EVA1A: variants seen among roughly 807,000 people sequenced by gnomAD.
EVA1A encodes the protein eva-1 homolog A, regulator of programmed cell death.
Under a neutral mutation model 9.8 loss-of-function variants are expected in EVA1A, and 7 were observed. The observed-to-expected ratio is 0.71, with a 90% CI of 0.41 to 1.34. The LOEUF (loss-of-function observed/expected upper bound fraction) is 1.34. Among genes scored for constraint, EVA1A ranks in the 40% most tolerant of loss-of-function variants. The pLI, the probability that EVA1A is intolerant of heterozygous loss-of-function variation, is 0.01. For synonymous variants in EVA1A, 90 were observed against 85.6 expected, an observed-to-expected ratio of 1.05 and a Z score of -0.28; for missense variants, 206 against 205.9, an observed-to-expected ratio of 1.00 and a Z score of 0.00.
At chr2:75,537,091 T>A (rs536040271) in intron 1 of EVA1A, among the ~76,000 whole-genome samples, 1 of 152,184 alleles carries the variant, frequency 6.6e-6, no homozygotes, top group South Asian at 2.1e-4. Flanking sequence ...CAGGAACGTA[T>A]AAAAAGGATT....
chr2:75,512,665 A>G (rs1267182423), intron 3 of EVA1A, among the ~76,000 whole-genome samples: 1 of 152,166 alleles, frequency 6.6e-6, no homozygotes, highest in Non-Finnish European at 1.5e-5. Flanking sequence ...GGATGCCTCA[A>G]ACCATCATCA....
At chr2:75,549,466 T>G (rs1028157466) in intron 1 of EVA1A, among the ~76,000 whole-genome samples, 1 of 152,126 alleles carries the variant, frequency 6.6e-6, no homozygotes, top group Non-Finnish European at 1.5e-5. Flanking sequence ...GAGTGCCCTG[T>G]CTGTCCATCA....
At chr2:75,553,313 A>G (rs1676589775) in intron 1 of EVA1A, among the ~76,000 whole-genome samples, 1 of 152,258 alleles carries the variant, frequency 6.6e-6, no homozygotes, top group South Asian at 2.1e-4. Flanking sequence ...ACTTTAGGGT[A>G]GTACAACATT....
intron 1 of EVA1A, among the ~76,000 whole-genome samples, chr2:75,559,291 C>G (rs949844805): frequency 3.3e-5 from 5 of 152,174 alleles, no homozygotes; most frequent in African/African-American, 9.7e-5. Flanking sequence ...CCAGACATTG[C>G]TGGATGTCAC....
chr2:75,560,258 G>A (rs1190807338), intron 1 of EVA1A, among the ~76,000 whole-genome samples: 2 of 152,178 alleles, frequency 1.3e-5, no homozygotes, highest in Non-Finnish European at 2.9e-5. Context: ...AATAGTCCAC[G>A]GTGCAGCACG....
At chr2:75,564,348 T>A (rs1229099347), upstream of EVA1A, among the ~76,000 whole-genome samples, 1 of 152,208 alleles carries the variant, frequency 6.6e-6, no homozygotes, top group South Asian at 2.1e-4. Context: ...AACTAGGATC[T>A]GCAGCTCAGG....
intron 1 of EVA1A, among the ~76,000 whole-genome samples, chr2:75,547,699 CCCTT>C (rs1373164653): frequency 6.6e-6 from 1 of 152,216 alleles, no homozygotes; most frequent in African/African-American, 2.4e-5. Context: ...TCCCCATCGT[CCCTT>C]CCTTAAGTTC....
At chr2:75,550,119 C>T (rs1426024552) in intron 1 of EVA1A, among the ~76,000 whole-genome samples, 1 of 152,148 alleles carries the variant, frequency 6.6e-6, no homozygotes, top group African/African-American at 2.4e-5. Context: ...CTCTGGGATG[C>T]AGTCTCTAAA....
intron 3 of EVA1A, among the ~76,000 whole-genome samples, chr2:75,498,470 CA>C (rs1305469691): frequency 6.6e-6 from 1 of 151,322 alleles, no homozygotes; most frequent in East Asian, 1.9e-4. Flanking sequence ...CGGGTACCCC[CA>C]AAACTAAAAT....
chr2:75,568,282 G>A (rs1364555609), intron 1 of EVA1A, among the ~76,000 whole-genome samples: 1 of 150,840 alleles, frequency 6.6e-6, no homozygotes, highest in Non-Finnish European at 1.5e-5. Context: ...ATTATTATTT[G>A]ATAATGAATA....
In EVA1A at chr2:75,493,101, G is replaced by A. The variant is rs1674085176; in HGVS notation, c.*135C>T. The A allele has an allele frequency of 1.5e-6, 2 of 1,312,362 alleles. No individual in the cohort carries two copies. Among genetic ancestry groups the A allele is most frequent in the Admixed American group, 2.3e-5 (1 of 42,948 alleles). 81.3% of individuals were successfully genotyped at this position (1,312,362 alleles called of 1,614,324 possible). ...CAAAAAGGAGCAATCCTCCTGGCTAGAAAAGGGGCATGTCCTGCTTTTTCT... is the reference window on the plus strand; with the variant it reads ...CAAAAAGGAGCAATCCTCCTGGCTAAAAAAGGGGCATGTCCTGCTTTTTCT... On this transcript the variant is annotated 3_prime_UTR_variant, in exon 4 of 4. Coordinates refer to ENST00000393913, the MANE Select transcript of EVA1A (RefSeq NM_001135032.2).
chr2:75,561,577 T>C (rs1473167), upstream of EVA1A, among the ~76,000 whole-genome samples: 72,570 of 151,726 alleles, frequency 0.48, 17,542 homozygotes, highest in South Asian at 0.52. Flanking sequence ...CAGAAACAAC[T>C]AGAGGGACAC....
chr2:75,524,835 G>A (rs1357979191), intron 1 of EVA1A, among the ~76,000 whole-genome samples: 1 of 152,054 alleles, frequency 6.6e-6, no homozygotes, highest in Non-Finnish European at 1.5e-5. Context: ...TTCCATTAAT[G>A]AATGATTCTT....
intron 2 of EVA1A, 80 bp from the exon 3 acceptor site, chr2:75,518,288 G>T: frequency 7.2e-7 from 1 of 1,398,128 alleles, no homozygotes; most frequent in Non-Finnish European, 9.4e-7. Flanking sequence ...GACTCCTAAA[G>T]ACATATTTTT....
At chr2:75,508,976 A>G (rs960697900) in intron 3 of EVA1A, among the ~76,000 whole-genome samples, 1 of 152,092 alleles carries the variant, frequency 6.6e-6, no homozygotes, top group South Asian at 2.1e-4. Context: ...CTCTACTCTC[A>G]CATGACTTGA....
intron 1 of EVA1A, among the ~76,000 whole-genome samples, chr2:75,525,151 C>T (rs1003223913): frequency 6.6e-6 from 1 of 152,086 alleles, no homozygotes; most frequent in African/African-American, 2.4e-5. Context: ...TGTATGTGTA[C>T]ATGAATATCT....
At chr2:75,553,062 C>T (rs1466205651) in intron 1 of EVA1A, among the ~76,000 whole-genome samples, 1 of 152,226 alleles carries the variant, frequency 6.6e-6, no homozygotes, top group Non-Finnish European at 1.5e-5. Flanking sequence ...GGCTGACTTC[C>T]TTTGTCCCCA....
intron 2 of EVA1A, among the ~76,000 whole-genome samples, chr2:75,519,611 G>A (rs1048619714): frequency 1.3e-5 from 2 of 152,128 alleles, no homozygotes; most frequent in Non-Finnish European, 2.9e-5. Flanking sequence ...TTGAGCCGCT[G>A]AGCCAGAACA....
chr2:75,537,867 C>T (rs1202632095), intron 1 of EVA1A, among the ~76,000 whole-genome samples: 1 of 152,166 alleles, frequency 6.6e-6, no homozygotes, highest in Non-Finnish European at 1.5e-5. Context: ...GAGGCCTCAC[C>T]AGAAGCCAAG....
Sources: allele counts gnomAD v4.1 joint callset (sites outside exome capture counted in the v4.1 genomes callset), GRCh38; gene constraint gnomAD v4.1.1; transcripts MANE v1.5; gene names NCBI Gene and HGNC (gene_info 2026-07-23, HGNC 2026-07-21).